Variants in TG observed in about 807,000 individuals in gnomAD.
TG encodes thyroid hormones.
TG carries 270 observed loss-of-function variants against 324.7 expected under a neutral mutation model. The observed-to-expected ratio is 0.83, with a 90% CI of 0.75 to 0.92. The LOEUF is 0.92. Among genes scored for constraint, TG ranks in the 40% least tolerant of loss-of-function variants. The probability of loss-of-function intolerance (pLI) is 0.00; values close to 1 mark genes in which losing one functional copy is unlikely to be tolerated. For synonymous variants in TG, 1,401 were observed against 1,327.0 expected (o/e 1.06, Z -1.21); for missense variants, 3,591 against 3,456.4 (o/e 1.04, Z -0.98).
intron 41 of TG, among the ~76,000 whole-genome samples, chr8:133,056,417 G>T (rs1360578560): frequency 6.6e-6 from 1 of 152,142 alleles, no homozygotes; most frequent in Non-Finnish European, 1.5e-5. Flanking sequence ...GATCATCTGG[G>T]TCATTAAATC....
At chr8:133,043,040 T>C (rs1838613150) in intron 41 of TG, among the ~76,000 whole-genome samples, 1 of 152,178 alleles carries the variant, frequency 6.6e-6, no homozygotes, top group Non-Finnish European at 1.5e-5. Context: ...AGTGGCCATG[T>C]GGCTCCCACT....
rs568872717 is a variant in TG at position 132,964,769 on chromosome 8, T to A, written c.5548+1695T>A. The A allele has an allele frequency of 1.0e-4, 64 of 630,060 alleles. No individual in the cohort carries two copies. In the East Asian group the frequency reaches 1.7e-3, roughly 17 times the overall value. 39.0% of individuals were successfully genotyped at this position (630,060 alleles called of 1,614,324 possible). On this transcript the variant is annotated intron_variant, in intron 29 of 47. Coordinates refer to ENST00000220616, the MANE Select transcript of TG (RefSeq NM_003235.5). ...GCTGTGGCCTTGGACATTCACAGGC[T>A]AGTGAGAATTCCATGTGCCAGCCAC...
intron 25 of TG, 46 bp from the exon 26 acceptor site, chr8:132,941,305 G>C: frequency 6.2e-7 from 1 of 1,610,544 alleles, no homozygotes; most frequent in Non-Finnish European, 8.5e-7. Flanking sequence ...GTCCAACTCT[G>C]CCATGTTTTG....
At chr8:133,048,473 G>A (rs3779962) in intron 41 of TG, 71,061 of 154,764 alleles carry the variant, frequency 0.46, 16,693 homozygotes, top group African/African-American at 0.53. Context: ...TACCTGCCTC[G>A]GACTTCCAAA....
At chr8:132,917,890 T>TA (rs1491348482) in intron 20 of TG, among the ~76,000 whole-genome samples, 126 of 7,918 alleles carry the variant, frequency 0.016, no homozygotes, top group African/African-American at 0.054. Flanking sequence ...GTTTTTGCAA[T>TA]TTTTTTTTTT....
chr8:132,882,689 G>A (rs918179824), intron 7 of TG, 77 bp downstream of exon 7: 1 of 1,612,524 alleles, frequency 6.2e-7, no homozygotes, highest in African/African-American at 1.3e-5. Flanking sequence ...GCTATGGTGT[G>A]TGTGGCTGCT....
rs1460373396 is a variant in TG, at chr8:133,055,361, GCGCGCACA to G, written c.7239+25340_7239+25347del. On this transcript the variant is annotated intron_variant, in intron 41 of 47. Transcript: ENST00000220616. ...TCATCTTCAGGACACACACACGCAC[GCGCGCACA>G]CACACACACACACACACACACACAC... 3.1e-3 allele frequency among the ~76,000 whole-genome samples: 407 copies of G among 131,748 alleles called. 3 individuals are homozygous for G. The highest frequency in any genetic ancestry group is 0.01 in the Admixed American group (122 of 12,156). 86.4% of individuals were successfully genotyped at this position (131,748 alleles called of 152,430 possible).
intron 28 of TG, among the ~76,000 whole-genome samples, chr8:132,962,706 G>A (rs1055233416): frequency 4.6e-5 from 7 of 152,112 alleles, no homozygotes; most frequent in African/African-American, 1.7e-4. Context: ...TACCTACACA[G>A]GGAGTTATAA....
chr8:132,879,320 G>T (rs1587209890), intron 5 of TG, among the ~76,000 whole-genome samples: 1 of 152,320 alleles, frequency 6.6e-6, no homozygotes, highest in Non-Finnish European at 1.5e-5. Context: ...GCCACCTGCT[G>T]TTGTTGAACG....
At chr8:132,890,301 T>C (rs114350577) in intron 10 of TG, among the ~76,000 whole-genome samples, 3,266 of 152,270 alleles carry the variant, frequency 0.021, 127 homozygotes, top group African/African-American at 0.076. Flanking sequence ...TCATGTAGTG[T>C]ATTATTTTAG....
At chr8:132,919,280 A>G in intron 20 of TG, 96 bp from the exon 21 acceptor site, 2 of 1,313,878 alleles carry the variant, frequency 1.5e-6, no homozygotes, top group Admixed American at 3.9e-5. Context: ...GAGCTCTTGA[A>G]CTGGTTTGAG....
Position 132,869,726 on chromosome 8 carries a change from C to T in TG, c.177-3C>T. On this transcript the variant is annotated splice_region_variant and splice_polypyrimidine_tract_variant and intron_variant, in intron 2 of 47. Transcript: ENST00000220616. ...GGTCACCTGGTCTGTGTCTCCTCCT[C>T]AGGACTGTCCAGTGCCAGAACGACG... The T allele has an allele frequency of 6.2e-7, 1 of 1,614,108 alleles. No individual in the cohort carries two copies. The highest frequency in any genetic ancestry group is 8.5e-7 in the Non-Finnish European group (1 of 1,179,956).
At position 133,107,463 on chromosome 8, in the gene TG, G is replaced by A. The variant is rs559812680; in HGVS notation, c.7573-5959G>A. On this transcript the variant is annotated intron_variant, in intron 43 of 47. Coordinates refer to ENST00000220616, the MANE Select transcript of TG (RefSeq NM_003235.5). ...CTACTGTCTAAGGCAGACCCCGCCT[G>A]TAATTACAGCTTGTGGAAGTCAGCA... Among the ~76,000 whole-genome samples, 15 of 152,320 alleles carry A rather than the reference G, an allele frequency of 9.8e-5. 1 individual carries two copies. The highest frequency in any genetic ancestry group is 5.9e-4 in the Admixed American group (9 of 15,304).
At chr8:133,039,873 G>A in intron 41 of TG, 1 of 1,456,336 alleles carries the variant, frequency 6.9e-7, no homozygotes, top group Admixed American at 2.1e-5. Flanking sequence ...TTTCAGCAGG[G>A]CTGGCTGACT....
At chr8:132,925,516 C>T (rs867750797) in intron 22 of TG, among the ~76,000 whole-genome samples, 223 of 144,822 alleles carry the variant, frequency 1.5e-3, no homozygotes, top group East Asian at 4.1e-3. Flanking sequence ...CTAAGGAGTG[C>T]GTGTGTGTGT....
At chr8:133,046,887 G>A (rs1468643919) in intron 41 of TG, among the ~76,000 whole-genome samples, 1 of 152,164 alleles carries the variant, frequency 6.6e-6, no homozygotes, top group African/African-American at 2.4e-5. Flanking sequence ...AGCACCAGGT[G>A]GCTTTGGCAC....
chr8:133,071,841 T>C (rs1010298376), intron 41 of TG, among the ~76,000 whole-genome samples: 2 of 152,172 alleles, frequency 1.3e-5, no homozygotes, highest in African/African-American at 2.4e-5. Flanking sequence ...TGCTTACTGC[T>C]CCCAGGGCAA....
Position 132,897,594 on chromosome 8 carries a change from A to T in TG, c.3002-55A>T, listed in dbSNP as rs891415757. On this transcript the variant is annotated intron_variant, in intron 11 of 47. Transcript: ENST00000220616. Reference sequence around the variant, plus strand: ...GACATACGTGGTTGTTCTCAGCTACAGAGCCCACACAGAGCAGGTGGTCAT... The same window carrying T: ...GACATACGTGGTTGTTCTCAGCTACTGAGCCCACACAGAGCAGGTGGTCAT... 3.1e-6 allele frequency: 5 copies of T among 1,612,502 alleles called. No individual in the cohort carries two copies. In the Admixed American group the frequency reaches 8.3e-5, roughly 27 times the overall value.
intron 27 of TG, 110 bp downstream of exon 27, chr8:132,949,053 T>TTA: frequency 5.7e-6 from 5 of 876,216 alleles, no homozygotes; most frequent in African/African-American, 2.1e-5. Flanking sequence ...CTTATACTTC[T>TTA]GAAAAAAAAA....
Sources: gnomAD v4.1 joint callset for allele counts (sites outside exome capture counted in the v4.1 genomes callset) on GRCh38, gnomAD v4.1.1 for gene constraint, MANE v1.5 for transcripts, NCBI Gene and HGNC (gene_info 2026-07-23, HGNC 2026-07-21) for gene names.